The following SNX24 variants were observed in gnomAD, a reference collection of about 807,000 sequenced individuals.
SNX24 encodes sorting nexin 24, also known as sorting nexin-24.
A neutral mutation model predicts 28.7 loss-of-function variants in SNX24; 22 were observed. The observed-to-expected ratio is 0.77, with a 90% CI of 0.55 to 1.10. The LOEUF is 1.10. Ranked by LOEUF, SNX24 falls within the 50% of genes least tolerant of loss-of-function variation. The probability of loss-of-function intolerance (pLI) is 0.00; values close to 1 mark genes in which losing one functional copy is unlikely to be tolerated. For synonymous variants in SNX24, 69 were observed against 71.5 expected, an observed-to-expected ratio of 0.96 and a Z score of 0.18; for missense variants, 221 against 201.1, an observed-to-expected ratio of 1.10 and a Z score of -0.60.
chr5:122,956,497 C>G (rs887181045), intron 3 of SNX24, among the ~76,000 whole-genome samples: 1 of 152,010 alleles, frequency 6.6e-6, no homozygotes, highest in African/African-American at 2.4e-5. Flanking sequence ...CTGCTGTGAA[C>G]ATGGATGTAC....
At chr5:122,869,961 G>C in intron 1 of SNX24, among the ~76,000 whole-genome samples, 1 of 151,340 alleles carries the variant, frequency 6.6e-6, no homozygotes, top group South Asian at 2.1e-4. Flanking sequence ...GTGATGCCAT[G>C]GATTAACTTT....
At chr5:122,852,725 T>C (rs1233828384) in intron 1 of SNX24, among the ~76,000 whole-genome samples, 1 of 152,132 alleles carries the variant, frequency 6.6e-6, no homozygotes, top group African/African-American at 2.4e-5. Flanking sequence ...TTAGCCCTAG[T>C]TGATTTTTCA....
chr5:122,872,971 G>T (rs1561531702), intron 1 of SNX24, among the ~76,000 whole-genome samples: 1 of 151,950 alleles, frequency 6.6e-6, no homozygotes, highest in Admixed American at 6.6e-5. Flanking sequence ...TTAGTTTTTT[G>T]GTTTTTGGTT....
At chr5:122,982,930 T>A (rs1257795107) in intron 3 of SNX24, 1 of 152,260 alleles carries the variant, frequency 6.6e-6, no homozygotes, top group East Asian at 1.9e-4. Context: ...AACTCTTTTT[T>A]AAAAAACATT....
At chr5:122,965,499 G>A in intron 3 of SNX24, 1 of 454,354 alleles carries the variant, frequency 2.2e-6, no homozygotes, top group Admixed American at 2.4e-5. Flanking sequence ...TGGCTTATTT[G>A]GAGAAAAGAT....
At chr5:122,935,186 T>G (rs1238042113) in intron 1 of SNX24, among the ~76,000 whole-genome samples, 1 of 152,230 alleles carries the variant, frequency 6.6e-6, no homozygotes, top group Non-Finnish European at 1.5e-5. Context: ...CTTTCATTGC[T>G]ACATATCGTC....
chr5:122,931,528 A>G (rs1268985961), intron 1 of SNX24, among the ~76,000 whole-genome samples: 1 of 152,144 alleles, frequency 6.6e-6, no homozygotes, highest in Non-Finnish European at 1.5e-5. Context: ...TATTCCTGCT[A>G]AAGAAGGAGA....
chr5:122,941,454 T>A (rs895860613), intron 2 of SNX24, among the ~76,000 whole-genome samples: 1 of 152,210 alleles, frequency 6.6e-6, no homozygotes, highest in Non-Finnish European at 1.5e-5. Flanking sequence ...TCTTTTCCTG[T>A]GTGTTCTGAT....
At chr5:122,902,465 A>G (rs905824235) in intron 1 of SNX24, among the ~76,000 whole-genome samples, 11 of 152,172 alleles carry the variant, frequency 7.2e-5, no homozygotes, top group African/African-American at 2.2e-4. Flanking sequence ...GGAAAACCAC[A>G]ACCACTTGCA....
rs544529926 is a variant in SNX24 at position 122,952,909 on chromosome 5, G to C, written c.249+6750G>C. The stretch of plus-strand genomic sequence containing the variant: ...ACAGAAACGTCAAACAAAAGACATA[G>C]AGGACCAATCCAGGTCTAACATCCT... On this transcript the variant is annotated intron_variant, in intron 3 of 6. Coordinates refer to ENST00000261369, the MANE Select transcript of SNX24 (RefSeq NM_014035.4). Among the ~76,000 whole-genome samples, 306 of 152,222 alleles carry C rather than the reference G, an allele frequency of 2.0e-3. 1 individual carries two copies. The highest frequency in any genetic ancestry group is 0.012 in the South Asian group (56 of 4,814).
At chr5:122,893,484 A>C (rs921201906) in intron 1 of SNX24, among the ~76,000 whole-genome samples, 1 of 152,144 alleles carries the variant, frequency 6.6e-6, no homozygotes, top group Non-Finnish European at 1.5e-5. Context: ...ACAACTAAGA[A>C]ATATGCTTAT....
At chr5:123,010,198 G>A (rs996738172), downstream of SNX24, among the ~76,000 whole-genome samples, 1 of 152,068 alleles carries the variant, frequency 6.6e-6, no homozygotes. Context: ...CATCCAGTTT[G>A]TAGAACCTTA....
chr5:122,924,488 A>G (rs888599662), intron 1 of SNX24, among the ~76,000 whole-genome samples: 2 of 152,214 alleles, frequency 1.3e-5, no homozygotes, highest in African/African-American at 4.8e-5. Context: ...ACCGTGGGAC[A>G]GTGTAAGATT....
intron 3 of SNX24, among the ~76,000 whole-genome samples, chr5:122,975,480 G>T (rs139587599): frequency 6.6e-6 from 1 of 152,028 alleles, no homozygotes; most frequent in East Asian, 1.9e-4. Context: ...CATTGATAGG[G>T]ATATTTCTGT....
At chr5:122,874,727 G>A (rs1756147066) in intron 1 of SNX24, among the ~76,000 whole-genome samples, 2 of 152,198 alleles carry the variant, frequency 1.3e-5, no homozygotes, top group Admixed American at 6.5e-5. Flanking sequence ...TAGCAGTGTA[G>A]TTGAAGAGTG....
intron 3 of SNX24, among the ~76,000 whole-genome samples, chr5:122,958,412 C>T (rs1276353666): frequency 6.6e-6 from 1 of 152,140 alleles, no homozygotes; most frequent in East Asian, 1.9e-4. Flanking sequence ...TGCCATCACA[C>T]CCGGCTAATT....
intron 1 of SNX24, among the ~76,000 whole-genome samples, chr5:122,906,221 G>C (rs1264237497): frequency 6.6e-6 from 1 of 152,198 alleles, no homozygotes; most frequent in Non-Finnish European, 1.5e-5. Context: ...TCTGGGAACA[G>C]CCAGGGCAGT....
chr5:122,886,532 G>A (rs953482453), intron 1 of SNX24, among the ~76,000 whole-genome samples: 6 of 151,784 alleles, frequency 4.0e-5, no homozygotes, highest in Non-Finnish European at 8.8e-5. Context: ...AAAATTATTC[G>A]GGCCGGGCGC....
chr5:123,023,710 A>T, intron 5 of SNX24: 1 of 1,125,252 alleles, frequency 8.9e-7, no homozygotes, highest in Non-Finnish European at 1.2e-6. Context: ...CAAGCAAACT[A>T]AAGGGTGACG....
Sources: gnomAD v4.1 joint callset for allele counts (sites outside exome capture counted in the v4.1 genomes callset) on GRCh38, gnomAD v4.1.1 for gene constraint, MANE v1.5 for transcripts, NCBI Gene and HGNC (gene_info 2026-07-23, HGNC 2026-07-21) for gene names.